ZNF286A: variants seen among roughly 807,000 people sequenced by gnomAD.
ZNF286A encodes the protein zinc finger protein ZNF286.
ZNF286A carries 34 observed loss-of-function variants against 49.3 expected under a neutral mutation model. That is an observed-to-expected ratio of 0.69 (90% confidence interval 0.52 to 0.92). The LOEUF (loss-of-function observed/expected upper bound fraction) is 0.92, where lower values mean the gene tolerates loss of function less well. Ranked by LOEUF, ZNF286A falls within the 40% of genes least tolerant of loss-of-function variation. The pLI, the probability that ZNF286A is intolerant of heterozygous loss-of-function variation, is 0.00. For synonymous variants in ZNF286A, 155 were observed against 200.4 expected (o/e 0.77, Z 1.91); for missense variants, 462 against 600.2 (o/e 0.77, Z 2.41).
intron 4 of ZNF286A, 40 bp from the exon 5 acceptor site, chr17:15,708,115 A>C (rs770835612): frequency 1.4e-6 from 2 of 1,452,566 alleles, no homozygotes; most frequent in East Asian, 4.9e-5. Context: ...TACTCCCATT[A>C]CTTTCTTCTT....
intron 4 of ZNF286A, among the ~76,000 whole-genome samples, 160 bp downstream of exon 4, chr17:15,706,661 A>G (rs1386699835): frequency 6.6e-6 from 1 of 152,192 alleles, no homozygotes; most frequent in Non-Finnish European, 1.5e-5. Context: ...TAGATTCTTG[A>G]TGAAATGTCT....
At chr17:15,701,414 T>C (rs541940609) in intron 3 of ZNF286A, 174 bp downstream of exon 3, 29 of 511,650 alleles carry the variant, frequency 5.7e-5, no homozygotes, top group Middle Eastern at 4.3e-4. Flanking sequence ...TTTCTACTTA[T>C]AACACTGGAT....
At chr17:15,704,552 T>A in intron 3 of ZNF286A, 1 of 1,614,088 alleles carries the variant, frequency 6.2e-7, no homozygotes, top group African/African-American at 1.3e-5. Flanking sequence ...AGCAGGCACC[T>A]GATGGTCAGC....
Position 15,717,621 on chromosome 17 carries a change from T to C in ZNF286A, c.*331T>C, listed in dbSNP as rs1967135703. The C allele has an allele frequency of 7.7e-6, 2 of 260,936 alleles. No homozygotes were observed. Among genetic ancestry groups the C allele is most frequent in the African/African-American group, 2.2e-5 (1 of 44,586 alleles). The allele number at this position is 260,936 out of a possible 1,614,324, so 16.2% of individuals were successfully genotyped here. A position where few individuals can be genotyped will look rare whatever the true frequency, so the allele number is the denominator to read the frequency against. ...CTCTCTTGTTTATGTCAGAGCTTTG[T>C]TGTAAGCCTCTCACTTTGTAAGGAA... On this transcript the variant is annotated 3_prime_UTR_variant, in exon 6 of 6. Coordinates refer to ENST00000583566, the MANE Select transcript of ZNF286A (RefSeq NM_001130842.2).
intron 4 of ZNF286A, 97 bp downstream of exon 4, chr17:15,706,598 G>T (rs912323357): frequency 3.5e-6 from 3 of 868,432 alleles, no homozygotes; most frequent in Non-Finnish European, 5.2e-6. Context: ...TTGCATTCAG[G>T]AGTCAAAAAG....
chr17:15,699,815 G>T (rs1186922148), intron 1 of ZNF286A, 38 bp downstream of exon 1: 1 of 702,862 alleles, frequency 1.4e-6, no homozygotes, highest in Admixed American at 2.0e-5. Context: ...TCTCGGCTCG[G>T]CCTCGGCGGT....
At position 15,717,407 on chromosome 17, in the gene ZNF286A, A is replaced by G; in HGVS notation, c.*117A>G. The G allele has an allele frequency of 1.4e-6, 2 of 1,451,932 alleles. No individual in the cohort carries two copies. 89.9% of individuals were successfully genotyped at this position (1,451,932 alleles called of 1,614,324 possible). A position where few individuals can be genotyped will look rare whatever the true frequency, so the allele number is the denominator to read the frequency against. On this transcript the variant is annotated 3_prime_UTR_variant, in exon 6 of 6. Transcript: ENST00000583566. ...GTGAGGACCAATTCTGTATGCATCTAATTTCATTTGCGTAATACATAGTTT... is the reference window on the plus strand; with the variant it reads ...GTGAGGACCAATTCTGTATGCATCTGATTTCATTTGCGTAATACATAGTTT...
In ZNF286A at chr17:15,703,279, A is replaced by G. The variant is rs555686089; in HGVS notation, c.126+2039A>G. The stretch of plus-strand genomic sequence containing the variant: ...ACCAGAAGCGTGAATATATATTTCA[A>G]TACTTTGATATCAGATTCAACACTG... On this transcript the variant is annotated intron_variant, in intron 3 of 5. Transcript: ENST00000583566. Among the ~76,000 whole-genome samples the G allele has an allele frequency of 1.2e-4, 18 of 151,502 alleles. 1 individual carries two copies. The South Asian group carries it at 3.7e-3, about 32-fold the overall frequency.
intron 3 of ZNF286A, among the ~76,000 whole-genome samples, chr17:15,702,510 CAAAA>C (rs36114462): frequency 9.8e-6 from 1 of 101,852 alleles, no homozygotes; most frequent in Non-Finnish European, 2.2e-5. Flanking sequence ...GAAACTGTCT[CAAAA>C]AAAAAAAAAA....
intron 5 of ZNF286A, among the ~76,000 whole-genome samples, chr17:15,712,073 C>T (rs962113461): frequency 1.4e-4 from 22 of 152,234 alleles, no homozygotes; most frequent in African/African-American, 2.4e-4. Flanking sequence ...GGGGTTTCAC[C>T]GTGTTAGCCG....
intron 3 of ZNF286A, among the ~76,000 whole-genome samples, chr17:15,703,553 T>G (rs2151453396): frequency 6.6e-6 from 1 of 151,882 alleles, no homozygotes; most frequent in East Asian, 1.9e-4. Context: ...CCCCTCAAAT[T>G]CAGTCCCTGC....
intron 5 of ZNF286A, among the ~76,000 whole-genome samples, chr17:15,712,500 CA>C (rs1201709769): frequency 2.0e-5 from 3 of 152,176 alleles, no homozygotes; most frequent in African/African-American, 7.2e-5. Context: ...CCCATCTCCC[CA>C]ACAGCATCCT....
In ZNF286A at chr17:15,719,514, G is replaced by A. The variant is rs1275720493; in HGVS notation, c.*2224G>A. The A allele has an allele frequency of 6.6e-6, 1 of 151,452 alleles. No individual in the cohort carries two copies. The highest frequency in any genetic ancestry group is 1.5e-5 in the Non-Finnish European group (1 of 67,946). 9.4% of individuals were successfully genotyped at this position (151,452 alleles called of 1,614,324 possible). ...TCAACATATTTAGGGTCTAGGGAAG[G>A]TCTGCTTCTTGGTTAATAGAAAGCA... On this transcript the variant is annotated 3_prime_UTR_variant, in exon 6 of 6. Transcript: ENST00000583566.
chr17:15,714,181 CTTT>C (rs55778736), intron 5 of ZNF286A, among the ~76,000 whole-genome samples: 3 of 142,400 alleles, frequency 2.1e-5, no homozygotes, highest in Non-Finnish European at 1.5e-5. Flanking sequence ...ATAAAACTGG[CTTT>C]TTTTTTTTTT....
At position 15,717,034 on chromosome 17, in the gene ZNF286A, C is replaced by T; in HGVS notation, c.1310C>T (p.Pro437Leu). Residue 437 changes from proline to leucine, a missense_variant, in exon 6 of 6, where the codon CCC (proline) becomes CTC (leucine). Transcript: ENST00000583566. ...QHQRIHTGEK[P>L]YECNECGKTF... ...CAGAGAATTCACACTGGAGAGAAAC[C>T]CTATGAGTGTAATGAATGTGGGAAA... 1 of 1,614,080 alleles carries T rather than the reference C, an allele frequency of 6.2e-7. No individual in the cohort carries two copies. The highest frequency in any genetic ancestry group is 8.5e-7 in the Non-Finnish European group (1 of 1,180,024).
intron 3 of ZNF286A, 72 bp from the exon 4 acceptor site, chr17:15,706,315 G>T (rs1990221999): frequency 1.8e-5 from 23 of 1,280,526 alleles, no homozygotes; most frequent in Non-Finnish European, 2.5e-5. Context: ...TTGCTCCAGG[G>T]CCAGCAGAAA....
chr17:15,703,705 T>TA (rs1292640327), intron 3 of ZNF286A, among the ~76,000 whole-genome samples: 1 of 152,186 alleles, frequency 6.6e-6, no homozygotes, highest in African/African-American at 2.4e-5. Context: ...GCCTATTCTG[T>TA]ATATAGGATG....
chr17:15,704,920 C>T lies in ZNF286A; in HGVS notation c.127-1467C>T. On this transcript the variant is annotated intron_variant, in intron 3 of 5. Coordinates refer to ENST00000583566, the MANE Select transcript of ZNF286A (RefSeq NM_001130842.2). ...GTTCATGGCTGCGGCCGGCCGGGGG[C>T]GGGTCCCCCCGGCCCCCTTCCTGCG... 4 of 1,562,804 alleles carry T rather than the reference C, an allele frequency of 2.6e-6. No individual in the cohort carries two copies. In the South Asian group the frequency reaches 3.4e-5, roughly 13 times the overall value.
intron 3 of ZNF286A, among the ~76,000 whole-genome samples, chr17:15,702,285 C>T (rs1306926922): frequency 2.0e-5 from 3 of 152,002 alleles, no homozygotes; most frequent in Admixed American, 6.6e-5. Flanking sequence ...GAGGCTGAGG[C>T]GGGCAGATCA....
Sources: gnomAD v4.1 joint callset for allele counts (sites outside exome capture counted in the v4.1 genomes callset) on GRCh38, gnomAD v4.1.1 for gene constraint, MANE v1.5 for transcripts, NCBI Gene and HGNC (gene_info 2026-07-23, HGNC 2026-07-21) for gene names.